RAB31: variants seen among roughly 807,000 people sequenced by gnomAD.
RAB31 encodes the protein RAB31, member RAS oncogene family, also known as ras-related protein Rab-31.
A neutral mutation model predicts 25.6 loss-of-function variants in RAB31; 21 were observed. That is an observed-to-expected ratio of 0.82 (90% CI 0.58 to 1.18). RAB31 has a LOEUF of 1.18. Ranked by LOEUF, RAB31 falls within the 50% of genes most tolerant of loss-of-function variation. The pLI is 0.00. For synonymous variants in RAB31, 87 were observed against 84.0 expected (o/e 1.04, Z -0.20); for missense variants, 196 against 250.1 (o/e 0.78, Z 1.46).
intron 3 of RAB31, among the ~76,000 whole-genome samples, chr18:9,803,580 AG>A (rs2068524819): frequency 1.3e-5 from 2 of 152,174 alleles, no homozygotes; most frequent in South Asian, 4.1e-4. Flanking sequence ...GGGAGGAGGC[AG>A]GCCTGGAGCT....
Position 9,859,506 on chromosome 18 carries a change from AC to A in RAB31, c.*184del. ...ATGTACCTGAAAAGGATTTTAGAAAACCCTGGGAAAACCCACCACACCACCA... is the reference window on the plus strand; with the variant it reads ...ATGTACCTGAAAAGGATTTTAGAAAACCTGGGAAAACCCACCACACCACCA... On this transcript the variant is annotated 3_prime_UTR_variant, in exon 7 of 7. Transcript: ENST00000578921. The A allele has an allele frequency of 2.1e-6, 1 of 478,176 alleles. No homozygotes were observed. The allele number at this position is 478,176 out of a possible 1,614,324, so 29.6% of individuals were successfully genotyped here.
chr18:9,851,187 CA>C (rs144282862), intron 6 of RAB31, among the ~76,000 whole-genome samples: 1 of 151,928 alleles, frequency 6.6e-6, no homozygotes, highest in Non-Finnish European at 1.5e-5. Context: ...TTTCTCACCC[CA>C]AAAAAAGTTA....
intron 6 of RAB31, among the ~76,000 whole-genome samples, chr18:9,845,999 G>A (rs866359555): frequency 6.6e-6 from 1 of 152,166 alleles, no homozygotes; most frequent in Admixed American, 6.5e-5. Flanking sequence ...TTTATGTTAG[G>A]AGGAGAGAGA....
intron 5 of RAB31, among the ~76,000 whole-genome samples, chr18:9,821,078 T>G (rs1404330091): frequency 6.6e-6 from 1 of 152,110 alleles, no homozygotes; most frequent in Non-Finnish European, 1.5e-5. Flanking sequence ...ATATGTTGTT[T>G]TTAACTAATC....
At chr18:9,712,607 C>T (rs558661748) in intron 1 of RAB31, among the ~76,000 whole-genome samples, 1 of 152,196 alleles carries the variant, frequency 6.6e-6, no homozygotes, top group Non-Finnish European at 1.5e-5. Context: ...AAAAGTTTCC[C>T]AGTATGCATT....
intron 5 of RAB31, among the ~76,000 whole-genome samples, chr18:9,845,044 G>A (rs1268550534): frequency 3.3e-5 from 5 of 152,016 alleles, no homozygotes; most frequent in Non-Finnish European, 5.9e-5. Flanking sequence ...AAACCTTTGC[G>A]AGAACATCCT....
At chr18:9,841,973 C>T (rs2068736657) in intron 5 of RAB31, among the ~76,000 whole-genome samples, 1 of 152,096 alleles carries the variant, frequency 6.6e-6, no homozygotes, top group Non-Finnish European at 1.5e-5. Context: ...AGTCTGGTCT[C>T]ATGGGGCCTA....
At chr18:9,713,079 A>G (rs2068026073) in intron 1 of RAB31, among the ~76,000 whole-genome samples, 1 of 152,216 alleles carries the variant, frequency 6.6e-6, no homozygotes, top group Non-Finnish European at 1.5e-5. Context: ...GAACAGATTT[A>G]TACTCACAGT....
intron 5 of RAB31, among the ~76,000 whole-genome samples, chr18:9,834,722 G>A (rs186726480): frequency 6.6e-6 from 1 of 152,252 alleles, no homozygotes; most frequent in East Asian, 1.9e-4. Flanking sequence ...CTTTGGCGGT[G>A]GGGGAAGGAT....
intron 1 of RAB31, among the ~76,000 whole-genome samples, chr18:9,771,653 C>T (rs1403140439): frequency 6.6e-6 from 1 of 152,200 alleles, no homozygotes; most frequent in Non-Finnish European, 1.5e-5. Context: ...CAGCAAACCG[C>T]GGGTAGGGTG....
At chr18:9,800,660 A>G (rs986330182) in intron 3 of RAB31, among the ~76,000 whole-genome samples, 16 of 152,114 alleles carry the variant, frequency 1.1e-4, no homozygotes, top group Non-Finnish European at 7.3e-5. Flanking sequence ...AGATGAGCCA[A>G]CTTTCATCTT....
At chr18:9,716,735 G>A (rs970171285) in intron 1 of RAB31, among the ~76,000 whole-genome samples, 7 of 152,026 alleles carry the variant, frequency 4.6e-5, no homozygotes, top group Non-Finnish European at 7.4e-5. Context: ...CAGCAGAAAT[G>A]AGGAAAAGAA....
Position 9,814,100 on chromosome 18 carries a change from G to T in RAB31, c.273+9G>T. On this transcript the variant is annotated intron_variant, in intron 4 of 6. Coordinates refer to ENST00000578921, the MANE Select transcript of RAB31 (RefSeq NM_006868.4). ...ATGATATTACCAAGCAGGTAAGAAT[G>T]TCTCCTTCAGAATTTAGATGTCATT... The T allele has an allele frequency of 6.5e-7, 1 of 1,546,044 alleles. No homozygotes were observed.
chr18:9,744,788 A>G (rs1157978712), intron 1 of RAB31, among the ~76,000 whole-genome samples: 2 of 152,258 alleles, frequency 1.3e-5, no homozygotes, highest in East Asian at 3.8e-4. Context: ...GAATGAAGAC[A>G]AAAGCACAAC....
intron 1 of RAB31, among the ~76,000 whole-genome samples, chr18:9,751,884 C>A (rs2068236742): frequency 6.6e-6 from 1 of 152,166 alleles, no homozygotes; most frequent in East Asian, 1.9e-4. Flanking sequence ...TCACAGCATA[C>A]CCCAAGGTTC....
chr18:9,732,219 G>C (rs952714084), intron 1 of RAB31, among the ~76,000 whole-genome samples: 16 of 152,198 alleles, frequency 1.1e-4, no homozygotes, highest in African/African-American at 3.9e-4. Context: ...TCTTCGTCCA[G>C]GGGGACGTGG....
intron 1 of RAB31, among the ~76,000 whole-genome samples, chr18:9,717,062 C>G (rs2068048502): frequency 6.6e-6 from 1 of 151,506 alleles, no homozygotes; most frequent in African/African-American, 2.4e-5. Context: ...TTTGCCCAGC[C>G]AAAAAGTGGG....
At chr18:9,826,726 A>G (rs1439362012) in intron 5 of RAB31, among the ~76,000 whole-genome samples, 1 of 152,172 alleles carries the variant, frequency 6.6e-6, no homozygotes, top group African/African-American at 2.4e-5. Context: ...ACTCCCTTAT[A>G]TCCAGCCTGT....
At chr18:9,830,243 C>T (rs1448339368) in intron 5 of RAB31, 1 of 152,024 alleles carries the variant, frequency 6.6e-6, no homozygotes, top group Non-Finnish European at 1.5e-5. Flanking sequence ...AAACTTCTGG[C>T]CTCAAGGGAT....
Sources: allele counts gnomAD v4.1 joint callset (sites outside exome capture counted in the v4.1 genomes callset), GRCh38; gene constraint gnomAD v4.1.1; transcripts MANE v1.5; gene names NCBI Gene and HGNC (gene_info 2026-07-23, HGNC 2026-07-21).